The following SLC24A2 variants were observed in gnomAD, a reference collection of about 807,000 sequenced individuals.
The protein encoded by SLC24A2 is sodium/potassium/calcium exchanger 2.
A neutral mutation model predicts 62.0 loss-of-function variants in SLC24A2; 36 were observed. That is an observed-to-expected ratio of 0.58 (90% confidence interval 0.44 to 0.77). The LOEUF is 0.77. SLC24A2 is among the 30% of genes least tolerant of loss of function. The probability of loss-of-function intolerance (pLI) is 0.00; values close to 1 mark genes in which losing one functional copy is unlikely to be tolerated. For synonymous variants in SLC24A2, 358 were observed against 294.0 expected (o/e 1.22, Z -2.23); for missense variants, 846 against 817.9 (o/e 1.03, Z -0.42).
chr9:20,146,618 A>T, the SLC24A2 span, among the ~76,000 whole-genome samples: 6 of 152,032 alleles, frequency 3.9e-5, no homozygotes, highest in Non-Finnish European at 8.8e-5. Context: ...TGAGATATGG[A>T]TCCTCTCAGT....
At chr9:20,195,798 A>G in the SLC24A2 span, among the ~76,000 whole-genome samples, 3 of 151,270 alleles carry the variant, frequency 2.0e-5, no homozygotes, top group Admixed American at 2.0e-4. Context: ...CATGGCATAC[A>G]TTAAAATAAC....
chr9:20,288,645 CT>C, the SLC24A2 span, among the ~76,000 whole-genome samples: 1 of 150,716 alleles, frequency 6.6e-6, no homozygotes, highest in East Asian at 1.9e-4. Context: ...TGGCACATGC[CT>C]GTTTGGAAGG....
chr9:20,045,254 A>G, the SLC24A2 span, among the ~76,000 whole-genome samples: 1 of 152,150 alleles, frequency 6.6e-6, no homozygotes, highest in East Asian at 1.9e-4. Flanking sequence ...AAATGATCGC[A>G]TTAATAAACA....
chr9:19,953,885 T>C, the SLC24A2 span, among the ~76,000 whole-genome samples: 8 of 152,060 alleles, frequency 5.3e-5, no homozygotes, highest in Non-Finnish European at 1.0e-4. Flanking sequence ...AAAAGAAATG[T>C]AGTATAATCT....
chr9:19,980,088 G>A, the SLC24A2 span, among the ~76,000 whole-genome samples: 2 of 152,188 alleles, frequency 1.3e-5, no homozygotes, highest in African/African-American at 4.8e-5. Context: ...ACTTTTTGGT[G>A]GGACTAAAGG....
the SLC24A2 span, among the ~76,000 whole-genome samples, chr9:19,869,454 A>G: frequency 6.6e-6 from 1 of 152,126 alleles, no homozygotes; most frequent in African/African-American, 2.4e-5. Context: ...TAGTCTGACT[A>G]TGACTACAAT....
the SLC24A2 span, among the ~76,000 whole-genome samples, chr9:20,115,979 C>T: frequency 1.3e-5 from 2 of 152,166 alleles, no homozygotes; most frequent in Admixed American, 6.6e-5. Flanking sequence ...TGCCAACTCA[C>T]AATGGAAATC....
At chr9:19,532,711 C>G (rs1433777806) in intron 8 of SLC24A2, among the ~76,000 whole-genome samples, 1 of 152,204 alleles carries the variant, frequency 6.6e-6, no homozygotes, top group Admixed American at 6.5e-5. Context: ...CACCAAACCT[C>G]TGTGGGTGTC....
chr9:20,259,983 C>T, the SLC24A2 span, among the ~76,000 whole-genome samples: 1 of 152,118 alleles, frequency 6.6e-6, no homozygotes, highest in African/African-American at 2.4e-5. Context: ...ACCCAGGAGG[C>T]TGAGGTTGGA....
chr9:19,813,730 C>A, the SLC24A2 span, among the ~76,000 whole-genome samples: 190 of 152,142 alleles, frequency 1.2e-3, 2 homozygotes, highest in African/African-American at 4.4e-3. Context: ...GAGGTGGGTG[C>A]CTTTGGGACG....
intron 2 of SLC24A2, among the ~76,000 whole-genome samples, chr9:19,708,976 A>C (rs1319409355): frequency 6.6e-6 from 1 of 152,112 alleles, no homozygotes; most frequent in Non-Finnish European, 1.5e-5. Context: ...GCAACCTACA[A>C]AATGGGAGAA....
intron 2 of SLC24A2, among the ~76,000 whole-genome samples, chr9:19,703,706 C>G (rs1376851771): frequency 1.3e-5 from 2 of 151,928 alleles, no homozygotes; most frequent in Non-Finnish European, 2.9e-5. Context: ...GTGCTTTGAT[C>G]AGAATAATCA....
chr9:19,812,077 A>G, the SLC24A2 span, among the ~76,000 whole-genome samples: 2 of 152,136 alleles, frequency 1.3e-5, no homozygotes, highest in African/African-American at 4.8e-5. Flanking sequence ...AATTTCTTTC[A>G]ATACACCATC....
the SLC24A2 span, among the ~76,000 whole-genome samples, chr9:20,121,610 G>A: frequency 1.3e-5 from 2 of 152,048 alleles, no homozygotes; most frequent in South Asian, 2.1e-4. Context: ...CTGAAGAAAC[G>A]TGTTATAAGT....
At chr9:20,081,489 GA>G in the SLC24A2 span, among the ~76,000 whole-genome samples, 3 of 104,378 alleles carry the variant, frequency 2.9e-5, no homozygotes, top group East Asian at 1.0e-3. Flanking sequence ...GGGGTGGGGG[GA>G]GGGGGGGAGG....
chr9:19,730,181 C>T (rs185999996), intron 2 of SLC24A2, among the ~76,000 whole-genome samples: 1 of 152,080 alleles, frequency 6.6e-6, no homozygotes, highest in African/African-American at 2.4e-5. Context: ...GCAGTGAGAA[C>T]CATGACAATA....
the SLC24A2 span, among the ~76,000 whole-genome samples, chr9:19,821,946 T>C: frequency 1.3e-5 from 2 of 152,168 alleles, no homozygotes; most frequent in African/African-American, 4.8e-5. Flanking sequence ...AAGAATGTGA[T>C]ATCAATTTTA....
the SLC24A2 span, among the ~76,000 whole-genome samples, chr9:20,147,566 GT>G: frequency 6.6e-6 from 1 of 152,124 alleles, no homozygotes; most frequent in Admixed American, 6.6e-5. Flanking sequence ...TAGATATGCC[GT>G]AAATTCTTGA....
chr9:19,654,634 T>C (rs758684384), intron 2 of SLC24A2, among the ~76,000 whole-genome samples: 3 of 152,202 alleles, frequency 2.0e-5, no homozygotes, highest in African/African-American at 7.2e-5. Context: ...CTGGGAATCT[T>C]GCACCAGCTG....
Sources: gnomAD v4.1 joint callset for allele counts (sites outside exome capture counted in the v4.1 genomes callset) on GRCh38, gnomAD v4.1.1 for gene constraint, MANE v1.5 for transcripts, NCBI Gene and HGNC (gene_info 2026-07-23, HGNC 2026-07-21) for gene names.